Variants in SEC14L5 observed in about 807,000 individuals in gnomAD.
SEC14L5 encodes SEC14-like protein 5.
A neutral mutation model predicts 84.6 loss-of-function variants in SEC14L5; 96 were observed. The observed-to-expected ratio is 1.13, with a 90% CI of 0.96 to 1.34. SEC14L5 has a LOEUF of 1.34. SEC14L5 is among the 40% of genes most tolerant of loss of function. SEC14L5 has a pLI of 0.00. For synonymous variants in SEC14L5, 546 were observed against 383.4 expected (o/e 1.42, Z -4.95); for missense variants, 1,224 against 942.5 (o/e 1.30, Z -3.91).
At chr16:4,982,929 T>A (rs71390612) in intron 2 of SEC14L5, among the ~76,000 whole-genome samples, 20,576 of 151,990 alleles carry the variant, frequency 0.14, 2,091 homozygotes, top group East Asian at 0.53. Flanking sequence ...TACATGAACA[T>A]ATACAAAAAA....
intron 8 of SEC14L5, among the ~76,000 whole-genome samples, 198 bp downstream of exon 8, chr16:4,997,242 G>T (rs978090125): frequency 6.6e-6 from 1 of 152,158 alleles, no homozygotes; most frequent in Non-Finnish European, 1.5e-5. Flanking sequence ...GGGATTACAG[G>T]CACCCGCCAC....
At chr16:4,973,962 G>T (rs1405772834) in intron 2 of SEC14L5, among the ~76,000 whole-genome samples, 1 of 152,030 alleles carries the variant, frequency 6.6e-6, no homozygotes, top group Non-Finnish European at 1.5e-5. Context: ...GGGATTACAG[G>T]TGTAAGCCAC....
At position 4,987,692 on chromosome 16, in the gene SEC14L5, C is replaced by T. The variant is rs1386280418; in HGVS notation, c.199C>T (p.Arg67Trp). 2.6e-6 allele frequency: 4 copies of T among 1,525,698 alleles called. No individual in the cohort carries two copies. Among genetic ancestry groups the T allele is most frequent in the South Asian group, 1.2e-5 (1 of 81,238 alleles). The allele number at this position is 1,525,698 out of a possible 1,614,324, so 94.5% of individuals were successfully genotyped here. A position where few individuals can be genotyped will look rare whatever the true frequency, so the allele number is the denominator to read the frequency against. ...CTGCCGGCTGCGCGTGGACGCCCCG[C>T]GGCTGCTGCGGAAGGTGGGCGGCCC... The part of the protein sequence containing the change: ...RSCRLRVDAP[R>W]LLRKIAGVEH... Residue 67 changes from arginine (R) to tryptophan (W), a missense_variant, in exon 3 of 16, where the codon CGG becomes TGG. Arg to Trp is a moderately radical substitution (Grantham distance 101, BLOSUM62 -3). Coordinates refer to ENST00000251170, the MANE Select transcript of SEC14L5 (RefSeq NM_014692.2).
chr16:5,003,101 A>G (rs567057222), intron 10 of SEC14L5, among the ~76,000 whole-genome samples: 42 of 152,294 alleles, frequency 2.8e-4, no homozygotes, highest in Non-Finnish European at 5.7e-4. Context: ...ATCTCACTTG[A>G]TCCTAACAGC....
At chr16:5,012,212 G>A (rs191273321) in intron 15 of SEC14L5, among the ~76,000 whole-genome samples, 4 of 152,216 alleles carry the variant, frequency 2.6e-5, no homozygotes, top group Admixed American at 2.0e-4. Flanking sequence ...TTTGGCCATC[G>A]GTCCTCAGTG....
At chr16:4,977,635 A>C (rs1356709947) in intron 2 of SEC14L5, among the ~76,000 whole-genome samples, 2 of 151,854 alleles carry the variant, frequency 1.3e-5, no homozygotes, top group African/African-American at 2.4e-5. Flanking sequence ...AATGTGTGTG[A>C]TGTGATTGAC....
At chr16:5,005,490 G>GT (rs1389787152) in intron 11 of SEC14L5, among the ~76,000 whole-genome samples, 1 of 152,042 alleles carries the variant, frequency 6.6e-6, no homozygotes, top group East Asian at 1.9e-4. Context: ...GCACAAGCTA[G>GT]TGAGTGCACT....
rs1339089052 is a variant in SEC14L5, at chr16:5,015,994, CTG to C, written c.*1026_*1027del. The C allele has an allele frequency of 4.6e-5, 7 of 152,236 alleles. No homozygotes were observed. Among genetic ancestry groups the C allele is most frequent in the African/African-American group, 7.2e-5 (3 of 41,454 alleles). 9.4% of individuals were successfully genotyped at this position (152,236 alleles called of 1,614,324 possible). ...CTCCTAGGGAACTGTTTAATTATGA[CTG>C]TTTTTGGTTGTAAGCCACAGAGACC... On this transcript the variant is annotated 3_prime_UTR_variant, in exon 16 of 16. Coordinates refer to ENST00000251170, the MANE Select transcript of SEC14L5 (RefSeq NM_014692.2).
chr16:4,994,805 C>T (rs904629263), intron 6 of SEC14L5, among the ~76,000 whole-genome samples: 7 of 151,962 alleles, frequency 4.6e-5, no homozygotes, highest in African/African-American at 9.7e-5. Context: ...CTGTGCTGTC[C>T]GCCAGCAGCA....
intron 10 of SEC14L5, among the ~76,000 whole-genome samples, chr16:5,002,700 C>A (rs568237558): frequency 1.3e-5 from 2 of 152,036 alleles, no homozygotes; most frequent in Non-Finnish European, 2.9e-5. Flanking sequence ...GGGCACCAGC[C>A]GCTGCAGTCA....
At chr16:4,974,532 T>C (rs1032623794) in intron 2 of SEC14L5, among the ~76,000 whole-genome samples, 3 of 152,086 alleles carry the variant, frequency 2.0e-5, no homozygotes, top group African/African-American at 7.2e-5. Flanking sequence ...GGGTGGGCTA[T>C]ATGATATGAT....
At chr16:4,974,510 C>T (rs1955316957) in intron 2 of SEC14L5, among the ~76,000 whole-genome samples, 1 of 151,830 alleles carries the variant, frequency 6.6e-6, no homozygotes, top group African/African-American at 2.4e-5. Flanking sequence ...GCCTGACCTG[C>T]ATACTTAAAA....
At chr16:5,006,146 G>A in intron 12 of SEC14L5, 98 bp downstream of exon 12, 1 of 1,309,234 alleles carries the variant, frequency 7.6e-7, no homozygotes, top group Non-Finnish European at 1.1e-6. Flanking sequence ...AGGTGGAGGG[G>A]GGCTGGGTGC....
At chr16:5,014,371 A>G (rs1256530778) in intron 15 of SEC14L5, among the ~76,000 whole-genome samples, 1 of 152,208 alleles carries the variant, frequency 6.6e-6, no homozygotes. Context: ...CAGCATAGTG[A>G]GAGCCCCGTC....
At position 5,017,660 on chromosome 16, in the gene SEC14L5, G is replaced by A. The variant is rs1955890690; in HGVS notation, c.*2690G>A. 1 of 152,248 alleles carries A rather than the reference G, an allele frequency of 6.6e-6. No homozygotes were observed. Among genetic ancestry groups the A allele is most frequent in the Non-Finnish European group, 1.5e-5 (1 of 68,060 alleles). 9.4% of individuals were successfully genotyped at this position (152,248 alleles called of 1,614,324 possible). Reference sequence around the variant, plus strand: ...ATTGACATTCCCTGCAGAAGCCGCAGCAGGATTGGGGAGGGCCATTCCCCC... The same window carrying A: ...ATTGACATTCCCTGCAGAAGCCGCAACAGGATTGGGGAGGGCCATTCCCCC... On this transcript the variant is annotated 3_prime_UTR_variant, in exon 16 of 16. Transcript: ENST00000251170.
intron 10 of SEC14L5, among the ~76,000 whole-genome samples, chr16:5,002,001 C>T (rs1955683018): frequency 6.6e-6 from 1 of 152,120 alleles, no homozygotes; most frequent in Non-Finnish European, 1.5e-5. Context: ...AACTCCTGGG[C>T]TGAAGTGATC....
chr16:4,966,192 TCCTGA>T (rs2142474567), intron 2 of SEC14L5, among the ~76,000 whole-genome samples: 1 of 151,148 alleles, frequency 6.6e-6, no homozygotes, highest in South Asian at 2.1e-4. Flanking sequence ...GGTGTCAATC[TCCTGA>T]CCTCATAATC....
chr16:4,987,726 G>T lies in SEC14L5; in HGVS notation c.213+20G>T, dbSNP rs777251624. 6.8e-6 allele frequency: 10 copies of T among 1,474,964 alleles called. No homozygotes were observed. In the East Asian group the frequency reaches 2.1e-4, roughly 31 times the overall value. The allele number at this position is 1,474,964 out of a possible 1,614,324, so 91.4% of individuals were successfully genotyped here. A position where few individuals can be genotyped will look rare whatever the true frequency, so the allele number is the denominator to read the frequency against. ...CGGAAGGTGGGCGGCCCTGGGGCTG[G>T]GGGGCGGAGGAGGGGACCTGTTGCG... On this transcript the variant is annotated intron_variant, in intron 3 of 15. Coordinates refer to ENST00000251170, the MANE Select transcript of SEC14L5 (RefSeq NM_014692.2).
In SEC14L5 at chr16:4,991,837, G is replaced by A. The variant is rs776018239; in HGVS notation, c.475-1G>A. The A allele has an allele frequency of 6.3e-7, 1 of 1,597,906 alleles. No homozygotes were observed. Among genetic ancestry groups the A allele is most frequent in the Non-Finnish European group, 8.5e-7 (1 of 1,171,622 alleles). On this transcript the variant is annotated splice_acceptor_variant, in intron 5 of 15. Transcript: ENST00000251170. LOFTEE classifies it high-confidence loss of function. ...GTGTCTTGGGTCTCTCTGGCTTCCA[G>A]GGGAAGGAGGTGATTGAGCATTACC...
Sources: gnomAD v4.1 joint callset for allele counts (sites outside exome capture counted in the v4.1 genomes callset) on GRCh38, gnomAD v4.1.1 for gene constraint, MANE v1.5 for transcripts, NCBI Gene and HGNC (gene_info 2026-07-23, HGNC 2026-07-21) for gene names.